PRELID2: variants seen among roughly 807,000 people sequenced by gnomAD.
PRELID2 encodes the protein PRELI domain containing 2, also known as PRELI domain-containing protein 2.
A neutral mutation model predicts 28.4 loss-of-function variants in PRELID2; 25 were observed. That is an observed-to-expected ratio of 0.88 (90% confidence interval 0.64 to 1.23). The LOEUF (loss-of-function observed/expected upper bound fraction) is 1.23. Ranked by LOEUF, PRELID2 falls within the 50% of genes most tolerant of loss-of-function variation. PRELID2 has a pLI of 0.00. For missense variants in PRELID2, 201 were observed against 214.4 expected (o/e 0.94, Z 0.39); for synonymous variants, 76 against 71.6 (o/e 1.06, Z -0.31).
chr5:145,429,553 T>G, the PRELID2 span, among the ~76,000 whole-genome samples: 3 of 152,148 alleles, frequency 2.0e-5, no homozygotes, highest in Non-Finnish European at 2.9e-5. Flanking sequence ...AAGAGATACA[T>G]ACAATTGGGA....
the PRELID2 span, among the ~76,000 whole-genome samples, chr5:145,463,451 T>G: frequency 6.6e-6 from 1 of 152,006 alleles, no homozygotes; most frequent in Non-Finnish European, 1.5e-5. Flanking sequence ...TCATTTTTAA[T>G]TAATTTTATA....
chr5:145,500,306 A>T (rs10463376), intron 1 of PRELID2, among the ~76,000 whole-genome samples: 35,317 of 151,678 alleles, frequency 0.23, 4,269 homozygotes, highest in South Asian at 0.38. Flanking sequence ...CTTCACTTTC[A>T]TCCTTCTTCT....
At chr5:145,754,776 C>A (rs140339648), downstream of PRELID2, among the ~76,000 whole-genome samples, 151 of 152,186 alleles carry the variant, frequency 9.9e-4, no homozygotes, top group African/African-American at 3.6e-3. Context: ...AAGAAGGGAC[C>A]AGATGATGCT....
At chr5:145,229,244 G>A in the PRELID2 span, 2 of 769,882 alleles carry the variant, frequency 2.6e-6, no homozygotes, top group Non-Finnish European at 2.4e-6. Flanking sequence ...TCCCTGGAGG[G>A]CTCCCTGGAG....
rs749870614 is a variant in PRELID2, at chr5:145,835,260, G to GCCGCGGGCCCCGCGCA, written c.-25_-10dup. 6,203 of 1,540,520 alleles carry GCCGCGGGCCCCGCGCA rather than the reference G, an allele frequency of 4.0e-3. 37 individuals are homozygous for GCCGCGGGCCCCGCGCA. Among genetic ancestry groups the GCCGCGGGCCCCGCGCA allele is most frequent in the Middle Eastern group, 0.012 (62 of 5,354 alleles). ...TCCACCGAGACCCCCATCCCCGCGC[G>GCCGCGGGCCCCGCGCA]CCGCGGGCCCCGCGCACCGGCCACG... On this transcript the variant is annotated 5_prime_UTR_variant, in exon 1 of 7. Transcript: ENST00000683046.
chr5:145,740,839 TCG>T (rs1315858845), intron 1 of PRELID2, among the ~76,000 whole-genome samples: 5 of 108,584 alleles, frequency 4.6e-5, no homozygotes, highest in East Asian at 2.7e-4. Context: ...TATATATTTA[TCG>T]ATAAATATAT....
chr5:145,244,094 C>T, the PRELID2 span, among the ~76,000 whole-genome samples: 2 of 152,154 alleles, frequency 1.3e-5, no homozygotes, highest in South Asian at 2.1e-4. Flanking sequence ...GCTGGGACTA[C>T]AGGCACAAAC....
At chr5:145,553,095 C>G (rs950201978) in intron 1 of PRELID2, among the ~76,000 whole-genome samples, 2 of 151,554 alleles carry the variant, frequency 1.3e-5, no homozygotes, top group African/African-American at 4.9e-5. Context: ...AGAGAGTTCA[C>G]TTGAATTAAG....
intron 1 of PRELID2, among the ~76,000 whole-genome samples, chr5:145,483,295 C>A (rs1752179214): frequency 6.6e-6 from 1 of 152,146 alleles, no homozygotes; most frequent in Non-Finnish European, 1.5e-5. Context: ...CCATTCTGAG[C>A]CTACATTACA....
At chr5:145,377,190 G>T in the PRELID2 span, among the ~76,000 whole-genome samples, 1 of 152,094 alleles carries the variant, frequency 6.6e-6, no homozygotes, top group African/African-American at 2.4e-5. Context: ...CCATGTAATT[G>T]CATAGTTTTA....
the PRELID2 span, among the ~76,000 whole-genome samples, chr5:145,379,459 A>G: frequency 6.6e-6 from 1 of 152,264 alleles, no homozygotes; most frequent in Non-Finnish European, 1.5e-5. Flanking sequence ...GCTTGGAGGC[A>G]GGGTGCTTGT....
chr5:145,241,944 A>AT, the PRELID2 span, among the ~76,000 whole-genome samples: 19 of 152,100 alleles, frequency 1.2e-4, no homozygotes, highest in Non-Finnish European at 2.2e-4. Flanking sequence ...ATGCTATTGC[A>AT]TAAAAAAAAA....
the PRELID2 span, among the ~76,000 whole-genome samples, chr5:145,391,063 C>A: frequency 6.6e-6 from 1 of 152,156 alleles, no homozygotes; most frequent in East Asian, 1.9e-4. Flanking sequence ...GGGTACAGCC[C>A]CCCTCCCGCC....
At chr5:145,432,898 G>A in the PRELID2 span, among the ~76,000 whole-genome samples, 3 of 152,008 alleles carry the variant, frequency 2.0e-5, no homozygotes, top group Admixed American at 1.3e-4. Context: ...AAAGTTCAAT[G>A]TAGGGGATTT....
intron 1 of PRELID2, among the ~76,000 whole-genome samples, chr5:145,639,444 C>T (rs1754058089): frequency 6.6e-6 from 1 of 152,152 alleles, no homozygotes; most frequent in Non-Finnish European, 1.5e-5. Context: ...TATTAAAATG[C>T]CCCATGCTAT....
Position 145,741,666 on chromosome 5 carries a change from TATAA to T in PRELID2, n.70+23261_70+23264del, listed in dbSNP as rs1468671393. ...TTTATATATAAATAATTTATTTATA[TATAA>T]ATAATTTATAAATAATTTATTTATA... is the stretch of plus-strand genomic sequence containing the variant. On this transcript the variant is annotated intron_variant and non_coding_transcript_variant, in intron 1 of 2. Coordinates refer to the PRELID2 transcript ENST00000510259. Among the ~76,000 whole-genome samples the T allele has an allele frequency of 7.9e-4, 19 of 24,078 alleles. 1 individual carries two copies. Among genetic ancestry groups the T allele is most frequent in the South Asian group, 4.7e-3 (4 of 858 alleles). The allele number at this position is 24,078 out of a possible 152,430, so 15.8% of individuals were successfully genotyped here. A position where few individuals can be genotyped will look rare whatever the true frequency, so the allele number is the denominator to read the frequency against.
At chr5:145,627,041 A>G (rs185708161) in intron 1 of PRELID2, among the ~76,000 whole-genome samples, 1 of 140,098 alleles carries the variant, frequency 7.1e-6, no homozygotes, top group East Asian at 2.4e-4. Flanking sequence ...CAGAGGTTGC[A>G]ATAAGCTGAG....
chr5:145,411,092 G>T, the PRELID2 span, among the ~76,000 whole-genome samples: 3 of 152,170 alleles, frequency 2.0e-5, no homozygotes, highest in African/African-American at 7.2e-5. Context: ...CTGTTTTCAT[G>T]CTGCTGATAA....
the PRELID2 span, among the ~76,000 whole-genome samples, chr5:145,450,429 A>G: frequency 2.0e-5 from 3 of 152,160 alleles, no homozygotes; most frequent in Non-Finnish European, 2.9e-5. Context: ...AATTTTCAGC[A>G]CAAGGAGAAG....
Sources: gnomAD v4.1 joint callset for allele counts (sites outside exome capture counted in the v4.1 genomes callset) on GRCh38, gnomAD v4.1.1 for gene constraint, MANE v1.5 for transcripts, NCBI Gene and HGNC (gene_info 2026-07-23, HGNC 2026-07-21) for gene names.